Variants in KIAA1328 observed in about 807,000 individuals in gnomAD.
The protein encoded by KIAA1328 is KIAA1328.
Under a neutral mutation model 68.1 loss-of-function variants are expected in KIAA1328, and 52 were observed. The observed-to-expected ratio is 0.76, with a 90% confidence interval of 0.61 to 0.96. The LOEUF is 0.96. KIAA1328 is among the 40% of genes least tolerant of loss of function. KIAA1328 has a pLI of 0.00. For missense variants in KIAA1328, 641 were observed against 677.6 expected (o/e 0.95, Z 0.60); for synonymous variants, 232 against 239.4 (o/e 0.97, Z 0.28).
intron 7 of KIAA1328, among the ~76,000 whole-genome samples, chr18:37,137,959 A>G (rs1165618997): frequency 6.6e-6 from 1 of 152,168 alleles, no homozygotes; most frequent in African/African-American, 2.4e-5. Context: ...CAATCCAATT[A>G]TCTCTACCCC....
At chr18:37,213,155 T>A (rs1380076513) in intron 9 of KIAA1328, among the ~76,000 whole-genome samples, 1 of 152,228 alleles carries the variant, frequency 6.6e-6, no homozygotes, top group Non-Finnish European at 1.5e-5. Context: ...TTGTAATTTT[T>A]TTTATTTTTA....
At chr18:36,946,992 A>G (rs1002725996) in intron 5 of KIAA1328, among the ~76,000 whole-genome samples, 2 of 152,148 alleles carry the variant, frequency 1.3e-5, no homozygotes, top group Non-Finnish European at 2.9e-5. Context: ...TTGAGGGACC[A>G]CTTAAACTCG....
intron 7 of KIAA1328, among the ~76,000 whole-genome samples, chr18:37,098,252 A>G (rs2057476749): frequency 6.6e-6 from 1 of 152,238 alleles, no homozygotes; most frequent in Non-Finnish European, 1.5e-5. Flanking sequence ...TGTCCCATCA[A>G]TACCTAATTT....
chr18:37,009,334 G>A (rs1215006594), intron 6 of KIAA1328, among the ~76,000 whole-genome samples: 1 of 152,118 alleles, frequency 6.6e-6, no homozygotes, highest in East Asian at 1.9e-4. Flanking sequence ...GTACAGTTCT[G>A]GCTAGTGAGA....
chr18:37,076,888 C>T (rs1455539781), intron 7 of KIAA1328, among the ~76,000 whole-genome samples: 2 of 152,038 alleles, frequency 1.3e-5, no homozygotes, highest in Non-Finnish European at 2.9e-5. Context: ...GATTCACAGC[C>T]GAATTCTACC....
intron 4 of KIAA1328, among the ~76,000 whole-genome samples, chr18:36,862,832 T>C (rs932813847): frequency 3.9e-5 from 6 of 152,192 alleles, no homozygotes; most frequent in African/African-American, 1.4e-4. Context: ...TTTGTTATAA[T>C]TAATTTCTAT....
Position 37,140,392 on chromosome 18 carries a change from A to G in KIAA1328, c.1233-19808A>G, listed in dbSNP as rs915996518. ...TTTTTCTACTTTTTAAGGAATGCAA[A>G]TACATATGGTATTCAATTGGTCCTG... On this transcript the variant is annotated intron_variant, in intron 7 of 9. Coordinates refer to ENST00000280020, the MANE Select transcript of KIAA1328 (RefSeq NM_020776.3). Among the ~76,000 whole-genome samples, 6 of 152,254 alleles carry G rather than the reference A, an allele frequency of 3.9e-5. No individual in the cohort carries two copies. The South Asian group carries it at 1.2e-3, about 32-fold the overall frequency.
At chr18:37,214,891 G>T (rs1469048387) in intron 9 of KIAA1328, among the ~76,000 whole-genome samples, 2 of 152,078 alleles carry the variant, frequency 1.3e-5, no homozygotes, top group East Asian at 3.9e-4. Flanking sequence ...GTATTCTTAG[G>T]TATTTTATTC....
Position 36,866,290 on chromosome 18 carries a change from G to A in KIAA1328, c.333-19267G>A, listed in dbSNP as rs993873212. 3.9e-5 allele frequency among the ~76,000 whole-genome samples: 6 copies of A among 152,052 alleles called. No individual in the cohort carries two copies. In the East Asian group the frequency reaches 9.7e-4, roughly 25 times the overall value. ...TTACTTAGGTTCTGACATTGGGCTG[G>A]TATTAGACCACCCCGATATGTGGAT... is the stretch of plus-strand genomic sequence containing the variant. On this transcript the variant is annotated intron_variant, in intron 4 of 9. Transcript: ENST00000280020.
At chr18:37,155,296 C>CA (rs2059128588) in intron 7 of KIAA1328, among the ~76,000 whole-genome samples, 1 of 152,046 alleles carries the variant, frequency 6.6e-6, no homozygotes, top group Non-Finnish European at 1.5e-5. Context: ...TAGCCAATAG[C>CA]AAAAAGCCAT....
At chr18:36,994,231 C>T (rs1439873520) in intron 6 of KIAA1328, among the ~76,000 whole-genome samples, 1 of 152,170 alleles carries the variant, frequency 6.6e-6, no homozygotes, top group Non-Finnish European at 1.5e-5. Context: ...ATTGTTACTC[C>T]TCTGTGCCTG....
intron 5 of KIAA1328, among the ~76,000 whole-genome samples, chr18:36,957,798 C>T (rs1486008529): frequency 6.6e-6 from 1 of 152,038 alleles, no homozygotes; most frequent in Non-Finnish European, 1.5e-5. Flanking sequence ...AAAATAATAA[C>T]TTTATTGTGT....
intron 7 of KIAA1328, among the ~76,000 whole-genome samples, chr18:37,147,364 T>C (rs1052089448): frequency 3.9e-5 from 6 of 152,202 alleles, no homozygotes; most frequent in African/African-American, 1.4e-4. Context: ...TTCCCTTGAC[T>C]GTGGTTAACA....
chr18:36,853,001 A>G (rs560110976), intron 4 of KIAA1328, among the ~76,000 whole-genome samples: 1 of 152,266 alleles, frequency 6.6e-6, no homozygotes, highest in South Asian at 2.1e-4. Flanking sequence ...GTATATTTTT[A>G]TAATTTTTGT....
chr18:36,839,087 T>C (rs2046774711), intron 3 of KIAA1328, among the ~76,000 whole-genome samples: 1 of 152,142 alleles, frequency 6.6e-6, no homozygotes, highest in East Asian at 1.9e-4. Flanking sequence ...TTGAGCTTTT[T>C]GGGACTGTGG....
At chr18:37,100,591 G>A (rs1231422464) in intron 7 of KIAA1328, among the ~76,000 whole-genome samples, 2 of 152,190 alleles carry the variant, frequency 1.3e-5, no homozygotes, top group African/African-American at 2.4e-5. Flanking sequence ...TCCACCTCTG[G>A]GGGCAGGGCA....
At chr18:36,972,687 T>C (rs2052276207) in intron 6 of KIAA1328, among the ~76,000 whole-genome samples, 1 of 152,188 alleles carries the variant, frequency 6.6e-6, no homozygotes, top group African/African-American at 2.4e-5. Context: ...ATGGCATTGG[T>C]CTTTCATGGA....
chr18:37,000,350 A>G (rs2053543603), intron 6 of KIAA1328, among the ~76,000 whole-genome samples: 1 of 152,298 alleles, frequency 6.6e-6, no homozygotes, highest in East Asian at 1.9e-4. Context: ...GAGCACTCAG[A>G]TTCATAAAGC....
At chr18:36,891,444 C>T (rs1023216704) in intron 5 of KIAA1328, among the ~76,000 whole-genome samples, 1 of 152,038 alleles carries the variant, frequency 6.6e-6, no homozygotes, top group Non-Finnish European at 1.5e-5. Flanking sequence ...AGTCTTTTAT[C>T]CCTCACCCAC....
Sources: gnomAD v4.1 joint callset for allele counts (sites outside exome capture counted in the v4.1 genomes callset) on GRCh38, gnomAD v4.1.1 for gene constraint, MANE v1.5 for transcripts, NCBI Gene and HGNC (gene_info 2026-07-23, HGNC 2026-07-21) for gene names.